Variants in SHANK2 observed in about 807,000 individuals in gnomAD.
SHANK2 encodes the protein SH3 and multiple ankyrin repeat domains protein 2.
A neutral mutation model predicts 133.7 loss-of-function variants in SHANK2; 43 were observed. The ratio of observed to expected loss-of-function variants is 0.32; its 90% CI spans 0.25 to 0.41. The LOEUF (loss-of-function observed/expected upper bound fraction) is 0.41, where lower values mean the gene tolerates loss of function less well. Among genes scored for constraint, SHANK2 ranks in the 10% least tolerant of loss-of-function variants. The probability of loss-of-function intolerance (pLI) is 1.00; values close to 1 mark genes in which losing one functional copy is unlikely to be tolerated. For missense variants in SHANK2, 1,994 were observed against 2,235.8 expected (o/e 0.89, Z 2.18); for synonymous variants, 1,017 against 952.8 (o/e 1.07, Z -1.24).
chr11:70,566,291 T>C (rs987684613), intron 17 of SHANK2: 2 of 152,232 alleles, frequency 1.3e-5, no homozygotes, highest in Admixed American at 6.5e-5. Context: ...ATGAGCTCCA[T>C]GGTCTACCCT....
At chr11:71,063,267 G>A (rs1332633217) in intron 9 of SHANK2, among the ~76,000 whole-genome samples, 2 of 152,204 alleles carry the variant, frequency 1.3e-5, no homozygotes, top group African/African-American at 4.8e-5. Context: ...CAATGACTTT[G>A]ACGGAGTCAA....
chr11:70,871,219 T>C (rs1355637774), intron 11 of SHANK2, among the ~76,000 whole-genome samples: 2 of 152,184 alleles, frequency 1.3e-5, no homozygotes, highest in Non-Finnish European at 2.9e-5. Flanking sequence ...TACTTCAACA[T>C]ATGCATTTGC....
intron 10 of SHANK2, among the ~76,000 whole-genome samples, chr11:70,897,560 A>G (rs964132910): frequency 1.1e-4 from 16 of 152,238 alleles, no homozygotes; most frequent in African/African-American, 3.6e-4. Context: ...AATTCTTTAC[A>G]ACAAATTATA....
chr11:71,136,209 C>G (rs535084153), intron 3 of SHANK2, among the ~76,000 whole-genome samples: 2 of 152,146 alleles, frequency 1.3e-5, no homozygotes, highest in Non-Finnish European at 2.9e-5. Flanking sequence ...CTAAACGCCA[C>G]CCTGGGGATG....
intron 17 of SHANK2, among the ~76,000 whole-genome samples, chr11:70,547,771 T>C (rs2059713366): frequency 6.6e-6 from 1 of 152,240 alleles, no homozygotes; most frequent in Non-Finnish European, 1.5e-5. Context: ...TCTACGTAAT[T>C]GTCTTCCAAG....
chr11:70,855,030 C>T (rs1337870820), intron 11 of SHANK2, among the ~76,000 whole-genome samples: 5 of 152,192 alleles, frequency 3.3e-5, no homozygotes, highest in South Asian at 2.1e-4. Context: ...GGGCCCGGCC[C>T]GTAGTCCTGA....
At chr11:70,476,804 C>T (rs906752745) in intron 25 of SHANK2, among the ~76,000 whole-genome samples, 8 of 152,188 alleles carry the variant, frequency 5.3e-5, no homozygotes, top group Admixed American at 2.6e-4. Flanking sequence ...TGACTCTGGG[C>T]AGCTCCACCG....
chr11:71,146,182 C>T (rs1276985919), intron 3 of SHANK2, among the ~76,000 whole-genome samples: 2 of 152,244 alleles, frequency 1.3e-5, no homozygotes, highest in East Asian at 3.9e-4. Context: ...ACGCTTCCAG[C>T]TCTGTCCCAC....
chr11:70,613,595 C>G (rs115803680), intron 17 of SHANK2, among the ~76,000 whole-genome samples: 1 of 151,944 alleles, frequency 6.6e-6, no homozygotes, highest in Non-Finnish European at 1.5e-5. Context: ...AAACTGTGTC[C>G]CCCAAAAAGA....
Position 71,188,302 on chromosome 11 carries a change from C to T in SHANK2, c.-13+36395G>A, listed in dbSNP as rs1264436303. Reference sequence around the variant, plus strand: ...CCACTCACCATCCTACCCCCATCTGCCCAGCCCCTTCCAGCATACGCCTGA... The same window carrying T: ...CCACTCACCATCCTACCCCCATCTGTCCAGCCCCTTCCAGCATACGCCTGA... On this transcript the variant is annotated intron_variant, in intron 2 of 25. Coordinates refer to ENST00000601538, the MANE Select transcript of SHANK2 (RefSeq NM_012309.5). This position sits in a 1 kb window ranked among gnomAD's most constrained non-coding sequence, Gnocchi z 4.6. Among the ~76,000 whole-genome samples, 2 of 152,074 alleles carry T rather than the reference C, an allele frequency of 1.3e-5. No homozygotes were observed. The highest frequency in any genetic ancestry group is 2.4e-5 in the African/African-American group (1 of 41,396).
chr11:70,568,923 T>G (rs2060007049), intron 17 of SHANK2, among the ~76,000 whole-genome samples: 1 of 152,132 alleles, frequency 6.6e-6, no homozygotes, highest in Admixed American at 6.5e-5. Context: ...AGCCTGCCTG[T>G]GTCCAGCAAG....
intron 9 of SHANK2, among the ~76,000 whole-genome samples, chr11:71,065,278 G>A (rs1951034452): frequency 6.6e-6 from 1 of 151,700 alleles, no homozygotes; most frequent in Non-Finnish European, 1.5e-5. Context: ...GAGATAAACA[G>A]TGAGTGGGGA....
intron 1 of SHANK2, among the ~76,000 whole-genome samples, chr11:71,243,598 G>A (rs1954920783): frequency 6.6e-6 from 1 of 152,200 alleles, no homozygotes; most frequent in South Asian, 2.1e-4. Context: ...GGGAGGCTGA[G>A]TCAAGAGAAT....
At chr11:70,904,094 A>G (rs1950063496) in intron 10 of SHANK2, among the ~76,000 whole-genome samples, 1 of 152,122 alleles carries the variant, frequency 6.6e-6, no homozygotes, top group African/African-American at 2.4e-5. Flanking sequence ...ACACCTGTAG[A>G]CTTCATGGGG....
At chr11:71,220,449 G>A (rs1555120873) in intron 2 of SHANK2, among the ~76,000 whole-genome samples, 1 of 152,036 alleles carries the variant, frequency 6.6e-6, no homozygotes, top group Non-Finnish European at 1.5e-5. Flanking sequence ...TGAAAGAACG[G>A]GTGGATATCT....
At chr11:70,718,555 A>G (rs953448909) in intron 14 of SHANK2, among the ~76,000 whole-genome samples, 3 of 152,336 alleles carry the variant, frequency 2.0e-5, no homozygotes, top group East Asian at 1.9e-4. Context: ...GTCAGGGCAC[A>G]GGGCTGGGGG....
intron 10 of SHANK2, among the ~76,000 whole-genome samples, chr11:70,940,456 T>C (rs1950631943): frequency 6.6e-6 from 1 of 151,902 alleles, no homozygotes; most frequent in South Asian, 2.1e-4. Flanking sequence ...GGTTTCACCA[T>C]GCTGGCCAGG....
intron 11 of SHANK2, among the ~76,000 whole-genome samples, chr11:70,856,958 G>T (rs560360329): frequency 6.6e-6 from 1 of 152,154 alleles, no homozygotes; most frequent in Non-Finnish European, 1.5e-5. Flanking sequence ...TGTCTACCTC[G>T]TCTCTATCCT....
chr11:70,889,484 T>C (rs1398295774), intron 11 of SHANK2, among the ~76,000 whole-genome samples: 2 of 152,188 alleles, frequency 1.3e-5, no homozygotes, highest in East Asian at 3.8e-4. Flanking sequence ...CCCTGGGTCC[T>C]GAGCAGGCCC....
Sources: gnomAD v4.1 joint callset for allele counts (sites outside exome capture counted in the v4.1 genomes callset) on GRCh38, gnomAD v4.1.1 for gene constraint, Gnocchi (gnomAD v3.1) non-coding constraint, MANE v1.5 for transcripts, NCBI Gene and HGNC (gene_info 2026-07-23, HGNC 2026-07-21) for gene names.